The following KCNIP4 variants were observed in gnomAD, a reference collection of about 807,000 sequenced individuals.
The protein encoded by KCNIP4 is potassium voltage-gated channel interacting protein 4, also known as Kv channel-interacting protein 4.
In KCNIP4, 12 loss-of-function variants were observed where a neutral mutation model predicts 34.0. The observed-to-expected ratio is 0.35, with a 90% confidence interval of 0.23 to 0.57. The LOEUF is 0.57. KCNIP4 is among the 20% of genes least tolerant of loss of function. The pLI is 0.83. For missense variants in KCNIP4, 238 were observed against 311.7 expected, an observed-to-expected ratio of 0.76 and a Z score of 1.78; for synonymous variants, 124 against 102.2, an observed-to-expected ratio of 1.21 and a Z score of -1.29.
chr4:21,908,150 A>G (rs1728101954), intron 1 of KCNIP4, among the ~76,000 whole-genome samples: 2 of 152,196 alleles, frequency 1.3e-5, no homozygotes, highest in African/African-American at 4.8e-5. Context: ...TCTTTTCTTC[A>G]GAATATATGA....
intron 1 of KCNIP4, among the ~76,000 whole-genome samples, chr4:21,435,522 A>G (rs1243674194): frequency 6.6e-6 from 1 of 152,214 alleles, no homozygotes; most frequent in African/African-American, 2.4e-5. Flanking sequence ...ACTAATTAAA[A>G]TGATTAACAA....
At chr4:21,077,061 G>A (rs1023416411) in intron 1 of KCNIP4, among the ~76,000 whole-genome samples, 1 of 152,090 alleles carries the variant, frequency 6.6e-6, no homozygotes, top group African/African-American at 2.4e-5. Context: ...GGAGGTGGAG[G>A]TTGCAGTGAC....
intron 1 of KCNIP4, among the ~76,000 whole-genome samples, chr4:21,243,236 A>G (rs139136046): frequency 6.6e-4 from 101 of 152,284 alleles, no homozygotes; most frequent in African/African-American, 2.3e-3. Flanking sequence ...AGAAATTTTC[A>G]TTAATTTATT....
At chr4:20,843,409 G>A (rs1329079612) in intron 3 of KCNIP4, among the ~76,000 whole-genome samples, 2 of 152,160 alleles carry the variant, frequency 1.3e-5, no homozygotes, top group Non-Finnish European at 2.9e-5. Context: ...GATTTCAAAT[G>A]TTTAGCATGA....
intron 1 of KCNIP4, among the ~76,000 whole-genome samples, chr4:21,773,965 T>C (rs187178897): frequency 6.6e-6 from 1 of 152,214 alleles, no homozygotes; most frequent in Admixed American, 6.5e-5. Context: ...TATGTGTGAA[T>C]TGGATCCTGA....
chr4:21,348,878 C>A (rs527727732), intron 1 of KCNIP4, among the ~76,000 whole-genome samples: 1 of 152,180 alleles, frequency 6.6e-6, no homozygotes, highest in East Asian at 1.9e-4. Context: ...TTGAAGGAGT[C>A]AGAAGGTCTC....
chr4:21,868,527 T>C (rs1437277208), intron 1 of KCNIP4, among the ~76,000 whole-genome samples: 1 of 152,206 alleles, frequency 6.6e-6, no homozygotes, highest in African/African-American at 2.4e-5. Flanking sequence ...TCTTTATCAG[T>C]AAAATAGAAG....
chr4:20,761,122 AAG>A (rs1461334312), intron 3 of KCNIP4, among the ~76,000 whole-genome samples: 6 of 152,160 alleles, frequency 3.9e-5, no homozygotes, highest in African/African-American at 1.2e-4. Flanking sequence ...TTCCCAGAGA[AAG>A]AGTGTTCTTC....
At chr4:21,103,311 AAT>A (rs1228040445) in intron 1 of KCNIP4, among the ~76,000 whole-genome samples, 1 of 145,792 alleles carries the variant, frequency 6.9e-6, no homozygotes, top group East Asian at 2.0e-4. Context: ...TAACATATAT[AAT>A]ATATAATATA....
intron 1 of KCNIP4, among the ~76,000 whole-genome samples, chr4:21,217,697 A>T (rs928338441): frequency 1.3e-5 from 2 of 152,092 alleles, no homozygotes; most frequent in Non-Finnish European, 2.9e-5. Context: ...CAAGGCAAAG[A>T]GCAATAAAAT....
At chr4:21,715,700 T>A (rs937719748) in intron 1 of KCNIP4, among the ~76,000 whole-genome samples, 2 of 152,186 alleles carry the variant, frequency 1.3e-5, no homozygotes, top group African/African-American at 2.4e-5. Flanking sequence ...AAAAATTATA[T>A]CTGCTCTAAA....
At chr4:21,311,637 C>T (rs531921220) in intron 1 of KCNIP4, among the ~76,000 whole-genome samples, 4 of 152,032 alleles carry the variant, frequency 2.6e-5, no homozygotes, top group East Asian at 1.9e-4. Flanking sequence ...TGCAGTGAGC[C>T]GAGATCATGC....
intron 1 of KCNIP4, among the ~76,000 whole-genome samples, chr4:21,230,922 C>T (rs577051565): frequency 6.6e-6 from 1 of 152,240 alleles, no homozygotes. Flanking sequence ...GGTTATAGGT[C>T]TTTGAGGAAT....
intron 3 of KCNIP4, among the ~76,000 whole-genome samples, chr4:20,793,563 C>A (rs538992010): frequency 3.9e-5 from 6 of 152,198 alleles, no homozygotes; most frequent in Non-Finnish European, 5.9e-5. Context: ...GCAGCAGTCC[C>A]CAACCTTTGT....
chr4:21,671,454 A>T (rs906018759), intron 1 of KCNIP4, among the ~76,000 whole-genome samples: 1 of 152,192 alleles, frequency 6.6e-6, no homozygotes, highest in African/African-American at 2.4e-5. Flanking sequence ...TTAAAATTAT[A>T]GGGGAGGCCT....
At chr4:21,722,639 G>A (rs1714898584) in intron 1 of KCNIP4, among the ~76,000 whole-genome samples, 1 of 152,080 alleles carries the variant, frequency 6.6e-6, no homozygotes, top group South Asian at 2.1e-4. Context: ...GAAATCACAA[G>A]TCAATTCAAA....
At chr4:21,284,756 G>GTGTGTGTGTGTT (rs1763001670) in intron 1 of KCNIP4, among the ~76,000 whole-genome samples, 1 of 151,454 alleles carries the variant, frequency 6.6e-6, no homozygotes, top group Admixed American at 6.6e-5. Context: ...GTGTGTGTGT[G>GTGTGTGTGTGTT]TGTGCGTGTG....
At chr4:21,888,573 C>T (rs568704654) in intron 1 of KCNIP4, among the ~76,000 whole-genome samples, 46 of 152,208 alleles carry the variant, frequency 3.0e-4, no homozygotes, top group African/African-American at 9.9e-4. Flanking sequence ...TTAGGAGCCA[C>T]TCTCCTCAAC....
chr4:21,503,002 G>A (rs957029016), intron 1 of KCNIP4, among the ~76,000 whole-genome samples: 12 of 152,060 alleles, frequency 7.9e-5, no homozygotes, highest in African/African-American at 2.9e-4. Context: ...TGTCTCAGTA[G>A]GCAGGCATGA....
Sources: allele counts gnomAD v4.1 joint callset (sites outside exome capture counted in the v4.1 genomes callset), GRCh38; gene constraint gnomAD v4.1.1; transcripts MANE v1.5; gene names NCBI Gene and HGNC (gene_info 2026-07-23, HGNC 2026-07-21).